Variants in OTOR observed in about 807,000 individuals in gnomAD.
OTOR encodes the protein fibrocyte-derived protein.
In OTOR, 20 loss-of-function variants were observed where a neutral mutation model predicts 15.9. The observed-to-expected ratio is 1.26, with a 90% CI of 0.89 to 1.83. The LOEUF (loss-of-function observed/expected upper bound fraction) is 1.83. Among genes scored for constraint, OTOR ranks in the 40% most tolerant of loss-of-function variants. The probability of loss-of-function intolerance (pLI) is 0.00; values close to 1 mark genes in which losing one functional copy is unlikely to be tolerated. For synonymous variants in OTOR, 53 were observed against 54.2 expected, an observed-to-expected ratio of 0.98 and a Z score of 0.09; for missense variants, 184 against 159.0, an observed-to-expected ratio of 1.16 and a Z score of -0.85.
At position 16,751,967 on chromosome 20, in the gene OTOR, G is replaced by A. The variant is rs1424911406; in HGVS notation, c.*849G>A. The A allele has an allele frequency of 6.6e-6, 1 of 151,962 alleles. No homozygotes were observed. The highest frequency in any genetic ancestry group is 6.6e-5 in the Admixed American group (1 of 15,266). 9.4% of individuals were successfully genotyped at this position (151,962 alleles called of 1,614,324 possible). A position where few individuals can be genotyped will look rare whatever the true frequency, so the allele number is the denominator to read the frequency against. On this transcript the variant is annotated 3_prime_UTR_variant, in exon 4 of 4. Coordinates refer to ENST00000246081, the MANE Select transcript of OTOR (RefSeq NM_020157.4). ...TTTCAACTTTGAATTTCCTCTTCCTGTGCAAATTCCTCTAGTCAAGTGTGA... is the reference window on the plus strand; with the variant it reads ...TTTCAACTTTGAATTTCCTCTTCCTATGCAAATTCCTCTAGTCAAGTGTGA...
chr20:16,750,195 A>G (rs187496682), intron 3 of OTOR, among the ~76,000 whole-genome samples, 185 bp downstream of exon 3: 71 of 152,332 alleles, frequency 4.7e-4, no homozygotes, highest in Middle Eastern at 3.4e-3. Flanking sequence ...AAAGATGAGT[A>G]AACTTTCTCT....
intron 3 of OTOR, among the ~76,000 whole-genome samples, chr20:16,750,455 T>C (rs6080388): frequency 0.71 from 107,374 of 151,844 alleles, 38,696 homozygotes; most frequent in East Asian, 0.99. Flanking sequence ...GCCCTCTTAG[T>C]AAATTTCAAG....
rs531296094 is a variant in OTOR at position 16,752,145 on chromosome 20, A to T, written c.*1027A>T. ...TTTTTCTTTGTTTGCATATAATTAAAATGCCTCTACTTAATGTCACAATTC... is the reference window on the plus strand; with the variant it reads ...TTTTTCTTTGTTTGCATATAATTAATATGCCTCTACTTAATGTCACAATTC... On this transcript the variant is annotated 3_prime_UTR_variant, in exon 4 of 4. Coordinates refer to ENST00000246081, the MANE Select transcript of OTOR (RefSeq NM_020157.4). 2.0e-4 allele frequency: 30 copies of T among 152,308 alleles called. No individual in the cohort carries two copies. Among genetic ancestry groups the T allele is most frequent in the Admixed American group, 6.5e-4 (10 of 15,298 alleles). 9.4% of individuals were successfully genotyped at this position (152,308 alleles called of 1,614,324 possible). A position where few individuals can be genotyped will look rare whatever the true frequency, so the allele number is the denominator to read the frequency against.
chr20:16,751,017 T>C, intron 3 of OTOR, 78 bp from the exon 4 acceptor site: 1 of 1,134,618 alleles, frequency 8.8e-7, no homozygotes, highest in African/African-American at 1.6e-5. Context: ...TAGATATGAC[T>C]TTAAATACAG....
intron 2 of OTOR, 113 bp from the exon 3 acceptor site, chr20:16,749,790 A>C: frequency 1.4e-6 from 1 of 706,560 alleles, no homozygotes; most frequent in Non-Finnish European, 2.5e-6. Flanking sequence ...CCGGAGTGAA[A>C]GGGAGGTATT....
At chr20:16,750,608 T>C (rs915768853) in intron 3 of OTOR, among the ~76,000 whole-genome samples, 3 of 152,252 alleles carry the variant, frequency 2.0e-5, no homozygotes, top group African/African-American at 7.2e-5. Context: ...ATTATGTTTT[T>C]GATCAAATCG....
Position 16,749,949 on chromosome 20 carries a change from C to G in OTOR, c.302C>G (p.Pro101Arg). Residue 101 changes from proline to arginine, a missense_variant, in exon 3 of 4, where the codon CCC becomes CGC. Transcript: ENST00000246081. ...QDEMGVVGYF[P>R]RNLVKEQRVY... ...GAGATGGGAGTCGTGGGTTATTTCC[C>G]CAGGAACTTGGTCAAGGAACAGCGT... 6.2e-7 allele frequency: 1 copy of G among 1,613,766 alleles called. No individual in the cohort carries two copies. The highest frequency in any genetic ancestry group is 8.5e-7 in the Non-Finnish European group (1 of 1,179,830).
At position 16,748,480 on chromosome 20, in the gene OTOR, GC is replaced by G. The variant is rs1320819014; in HGVS notation, c.80del (p.Ala27ValfsTer47). 6.2e-7 allele frequency: 1 copy of G among 1,613,182 alleles called. No individual in the cohort carries two copies. The highest frequency in any genetic ancestry group is 1.3e-5 in the African/African-American group (1 of 74,896). ...AVHGIFMDRLASKKLCADDEC... is the reference protein window; with the variant it reads ...AVHGIFMDRLXSKKLCADDEC... ...GCATGGAATATTTATGGACCGTCTAGCTTCCAAGAAGCTCTGTGCAGATGAT... is the reference window on the plus strand; with the variant it reads ...GCATGGAATATTTATGGACCGTCTAGTTCCAAGAAGCTCTGTGCAGATGAT... On this transcript the variant is annotated frameshift_variant, in exon 1 of 4. Coordinates refer to ENST00000246081, the MANE Select transcript of OTOR (RefSeq NM_020157.4). LOFTEE classifies it high-confidence loss of function.
intron 1 of OTOR, 71 bp from the exon 2 acceptor site, chr20:16,748,796 T>C (rs2072508896): frequency 4.3e-6 from 5 of 1,174,742 alleles, no homozygotes; most frequent in African/African-American, 1.6e-5. Flanking sequence ...GTTTTTCTAA[T>C]ATACATTGCC....
chr20:16,749,053 C>T (rs1402754973), intron 2 of OTOR, 47 bp downstream of exon 2: 1 of 1,350,676 alleles, frequency 7.4e-7, no homozygotes. Context: ...CTTAACCTTT[C>T]CTTGATTACC....
At chr20:16,749,092 C>A in intron 2 of OTOR, 86 bp downstream of exon 2, 1 of 963,694 alleles carries the variant, frequency 1.0e-6, no homozygotes, top group Non-Finnish European at 1.5e-6. Context: ...ATGCTTAATA[C>A]TAGTTGTTAA....
Position 16,750,002 on chromosome 20 carries a change from C to T in OTOR, c.355C>T (p.Pro119Ser), listed in dbSNP as rs1315556194. The T allele has an allele frequency of 6.2e-7, 1 of 1,606,168 alleles. No individual in the cohort carries two copies. Among genetic ancestry groups the T allele is most frequent in the Admixed American group, 1.7e-5 (1 of 59,926 alleles). ...GTACCAGGAAGCTACCAAGGAAGTT[C>T]CCACCACGGTAAGCATCTCAAAAGT... ...RVYQEATKEV[P>S]TTDIDFFCE is the part of the protein sequence containing the mutation. Residue 119 changes from proline (P) to serine (S), a missense_variant, in exon 3 of 4, where the codon CCC (proline) becomes TCC (serine). Pro to Ser is a moderately conservative substitution (Grantham distance 74). Coordinates refer to ENST00000246081, the MANE Select transcript of OTOR (RefSeq NM_020157.4).
At chr20:16,749,701 A>C in intron 2 of OTOR, 1 of 549,746 alleles carries the variant, frequency 1.8e-6, no homozygotes, top group Non-Finnish European at 3.3e-6. Flanking sequence ...CTGGGCCACT[A>C]AACAGTAGAT....
In OTOR at chr20:16,748,878, C is replaced by A; in HGVS notation, c.127C>A (p.Leu43Met). ...TTTTTTTCTTCCAGATACTATTTCT[C>A]TGGCTAGTGCTCAAGAAGATTATAA... ...ADDECVYTIS[L>M]ASAQEDYNAP... Residue 43 changes from leucine (L) to methionine (M), a missense_variant, in exon 2 of 4, where the codon CTG (leucine) becomes ATG (methionine). By Grantham distance (15) the Leu-to-Met change is conservative (BLOSUM62 2). Coordinates refer to ENST00000246081, the MANE Select transcript of OTOR (RefSeq NM_020157.4). 6.3e-7 allele frequency: 1 copy of A among 1,578,010 alleles called. No homozygotes were observed. Among genetic ancestry groups the A allele is most frequent in the Non-Finnish European group, 8.6e-7 (1 of 1,169,126 alleles).
Position 16,748,427 on chromosome 20 carries a change from T to A in OTOR, c.26T>A (p.Leu9His). MARILLLF[L>H]PGLVAVCAVH... ...ATGGCAAGAATATTGTTACTTTTCC[T>A]CCCGGGTCTTGTGGCTGTATGTGCT... Residue 9 changes from leucine to histidine, a missense_variant, in exon 1 of 4, where the codon CTC becomes CAC. Transcript: ENST00000246081. 1.2e-6 allele frequency: 2 copies of A among 1,613,044 alleles called. No individual in the cohort carries two copies. The highest frequency in any genetic ancestry group is 1.7e-6 in the Non-Finnish European group (2 of 1,179,054).
intron 3 of OTOR, among the ~76,000 whole-genome samples, chr20:16,750,319 G>A (rs1266442777): frequency 6.6e-6 from 1 of 151,690 alleles, no homozygotes; most frequent in Non-Finnish European, 1.5e-5. Context: ...TACATTTAAT[G>A]CATACATTAT....
At chr20:16,749,810 G>C (rs2072516428) in intron 2 of OTOR, 93 bp from the exon 3 acceptor site, 2 of 838,664 alleles carry the variant, frequency 2.4e-6, no homozygotes, top group South Asian at 3.0e-5. Flanking sequence ...TGGCAGCTAT[G>C]ATTCTCACTA....
rs2072529795 is a variant in OTOR at position 16,751,647 on chromosome 20, T to C, written c.*529T>C. ...TTGATGCCTTTTGGAGGTAAAGCTG[T>C]TGGGGGAAGAAGAGTTTTTGGACCC... On this transcript the variant is annotated 3_prime_UTR_variant, in exon 4 of 4. Transcript: ENST00000246081. The C allele has an allele frequency of 2.0e-5, 3 of 152,368 alleles. No individual in the cohort carries two copies. Among genetic ancestry groups the C allele is most frequent in the African/African-American group, 7.2e-5 (3 of 41,572 alleles). The allele number at this position is 152,368 out of a possible 1,614,324, so 9.4% of individuals were successfully genotyped here.
chr20:16,751,320 C>A lies in OTOR; in HGVS notation c.*202C>A. On this transcript the variant is annotated 3_prime_UTR_variant, in exon 4 of 4. Coordinates refer to ENST00000246081, the MANE Select transcript of OTOR (RefSeq NM_020157.4). Reference sequence around the variant, plus strand: ...TCTTGTTTCCTGCTGGCCTGGTCTGCCCACGAGCTAGAGCGGGGAAATGTT... The same window carrying A: ...TCTTGTTTCCTGCTGGCCTGGTCTGACCACGAGCTAGAGCGGGGAAATGTT... 1.9e-6 allele frequency: 1 copy of A among 539,632 alleles called. No individual in the cohort carries two copies. Among genetic ancestry groups the A allele is most frequent in the Non-Finnish European group, 3.2e-6 (1 of 308,710 alleles). The allele number at this position is 539,632 out of a possible 1,614,324, so 33.4% of individuals were successfully genotyped here. A position where few individuals can be genotyped will look rare whatever the true frequency, so the allele number is the denominator to read the frequency against.
Sources: gnomAD v4.1 joint callset for allele counts (sites outside exome capture counted in the v4.1 genomes callset) on GRCh38, gnomAD v4.1.1 for gene constraint, MANE v1.5 for transcripts, NCBI Gene and HGNC (gene_info 2026-07-23, HGNC 2026-07-21) for gene names.